The following OTOGL variants were observed in gnomAD, a reference collection of about 807,000 sequenced individuals.
OTOGL encodes the protein otogelin-like protein.
In OTOGL, 285 loss-of-function variants were observed where a neutral mutation model predicts 318.5. That is an observed-to-expected ratio of 0.89 (90% confidence interval 0.81 to 0.99). The LOEUF is 0.99. Among genes scored for constraint, OTOGL ranks in the 50% least tolerant of loss-of-function variants. The pLI, the probability that OTOGL is intolerant of heterozygous loss-of-function variation, is 0.00. For synonymous variants in OTOGL, 987 were observed against 936.5 expected (o/e 1.05, Z -0.99); for missense variants, 2,899 against 2,845.6 (o/e 1.02, Z -0.43).
In OTOGL at chr12:80,305,670, T is replaced by A; in HGVS notation, c.3308T>A (p.Phe1103Tyr). 6.4e-7 allele frequency: 1 copy of A among 1,571,774 alleles called. No individual in the cohort carries two copies. The highest frequency in any genetic ancestry group is 8.6e-7 in the Non-Finnish European group (1 of 1,169,530). ...NNLEVRNARVFGDSWALGQCE... is the reference protein window; with the variant it reads ...NNLEVRNARVYGDSWALGQCE... ...TTGGAAGTGAGAAATGCTCGGGTAT[T>A]TGGAGATAGTTGGGCATTAGGACAG... The change falls in exon 29 of 59, where the codon TTT becomes TAT. Residue 1103 changes from phenylalanine to tyrosine, a missense_variant. Transcript: ENST00000547103.
intron 26 of OTOGL, among the ~76,000 whole-genome samples, chr12:80,287,759 C>T (rs1431587325): frequency 2.0e-5 from 3 of 151,804 alleles, no homozygotes; most frequent in Non-Finnish European, 2.9e-5. Flanking sequence ...GATAAATATT[C>T]TTCCATTCCT....
intron 1 of OTOGL, chr12:80,189,425 G>C: frequency 1.0e-6 from 1 of 985,248 alleles, no homozygotes; most frequent in Non-Finnish European, 1.2e-6. Context: ...CCAAGCAGCT[G>C]GGAAGTTTGT....
intron 29 of OTOGL, among the ~76,000 whole-genome samples, chr12:80,307,507 G>A (rs1234560716): frequency 6.8e-6 from 1 of 148,064 alleles, no homozygotes; most frequent in Admixed American, 6.7e-5. Context: ...TCCCAGTAGG[G>A]GCGGCCGGGC....
intron 1 of OTOGL, among the ~76,000 whole-genome samples, chr12:80,133,074 T>C (rs971171586): frequency 6.6e-6 from 1 of 152,234 alleles, no homozygotes; most frequent in African/African-American, 2.4e-5. Flanking sequence ...CTAAATTTAA[T>C]TATTTTTAAT....
chr12:80,244,726 C>G (rs1362308276), intron 11 of OTOGL, among the ~76,000 whole-genome samples: 1 of 148,234 alleles, frequency 6.7e-6, no homozygotes, highest in African/African-American at 2.6e-5. Context: ...GTTCTAGATC[C>G]CTGAGGAATC....
intron 24 of OTOGL, among the ~76,000 whole-genome samples, chr12:80,274,933 G>GA (rs1490469457): frequency 5.3e-5 from 8 of 151,842 alleles, no homozygotes; most frequent in South Asian, 2.1e-4. Flanking sequence ...CTGATGCCTA[G>GA]AAAAAAAATT....
At chr12:80,213,983 G>A (rs964893671) in intron 4 of OTOGL, among the ~76,000 whole-genome samples, 4 of 152,182 alleles carry the variant, frequency 2.6e-5, no homozygotes, top group African/African-American at 7.2e-5. Context: ...AAGGGTAAAC[G>A]CAGACTTCTG....
chr12:80,109,881 A>G (rs557756392), intron 1 of OTOGL, among the ~76,000 whole-genome samples: 61 of 152,272 alleles, frequency 4.0e-4, no homozygotes, highest in African/African-American at 1.4e-3. Flanking sequence ...GACAATTATC[A>G]CAAACATCAC....
At chr12:80,280,427 AGG>A (rs1348705236) in intron 26 of OTOGL, among the ~76,000 whole-genome samples, 1 of 148,584 alleles carries the variant, frequency 6.7e-6, no homozygotes, top group African/African-American at 2.4e-5. Flanking sequence ...TTATGATCTT[AGG>A]TCTTACTTTT....
intron 26 of OTOGL, among the ~76,000 whole-genome samples, chr12:80,282,223 T>A (rs746561966): frequency 3.9e-4 from 59 of 152,000 alleles, no homozygotes; most frequent in Non-Finnish European, 6.8e-4. Flanking sequence ...CTATGATTAA[T>A]GCATTTTTTT....
At chr12:80,136,136 T>G (rs750991135) in intron 1 of OTOGL, among the ~76,000 whole-genome samples, 1 of 152,210 alleles carries the variant, frequency 6.6e-6, no homozygotes, top group Non-Finnish European at 1.5e-5. Context: ...TCTCACAGTT[T>G]CTGGACTTGC....
intron 1 of OTOGL, among the ~76,000 whole-genome samples, chr12:80,191,065 C>T (rs564955642): frequency 1.3e-4 from 20 of 152,322 alleles, no homozygotes; most frequent in African/African-American, 4.6e-4. Flanking sequence ...CTTAGACCAC[C>T]TTCTCTTTAC....
intron 26 of OTOGL, among the ~76,000 whole-genome samples, chr12:80,282,154 T>A (rs1187816884): frequency 6.6e-6 from 1 of 151,828 alleles, no homozygotes; most frequent in Non-Finnish European, 1.5e-5. Context: ...AAATGTGAGC[T>A]TTAGAAAGAA....
chr12:80,215,803 G>T (rs1877662735), intron 4 of OTOGL, among the ~76,000 whole-genome samples: 1 of 152,176 alleles, frequency 6.6e-6, no homozygotes, highest in Non-Finnish European at 1.5e-5. Flanking sequence ...AAGCAATGTG[G>T]CTGAAGAGAG....
At chr12:80,119,277 C>A (rs2137095175) in intron 1 of OTOGL, among the ~76,000 whole-genome samples, 1 of 152,310 alleles carries the variant, frequency 6.6e-6, no homozygotes, top group Middle Eastern at 3.4e-3. Flanking sequence ...AGCCTGTTCT[C>A]TTTATCATTT....
At chr12:80,253,864 A>G (rs1881793099) in intron 14 of OTOGL, among the ~76,000 whole-genome samples, 1 of 152,048 alleles carries the variant, frequency 6.6e-6, no homozygotes, top group Non-Finnish European at 1.5e-5. Flanking sequence ...TTAGAACTTG[A>G]TGGTGCTTCT....
At chr12:80,108,848 G>GTATA (rs375973972) in intron 1 of OTOGL, among the ~76,000 whole-genome samples, 5 of 130,052 alleles carry the variant, frequency 3.8e-5, no homozygotes, top group South Asian at 4.7e-4. Flanking sequence ...ATATATATGT[G>GTATA]TATATATATG....
intron 18 of OTOGL, 26 bp from the exon 19 acceptor site, chr12:80,261,943 A>G: frequency 6.2e-7 from 1 of 1,605,248 alleles, no homozygotes; most frequent in Non-Finnish European, 8.5e-7. Flanking sequence ...AGATACATGA[A>G]GATGAGCATT....
At chr12:80,297,684 A>G (rs761337579) in intron 27 of OTOGL, among the ~76,000 whole-genome samples, 3 of 152,106 alleles carry the variant, frequency 2.0e-5, no homozygotes, top group Non-Finnish European at 4.4e-5. Context: ...TGGTTCTTCA[A>G]GACTTTGAGA....
Sources: gnomAD v4.1 joint callset for allele counts (sites outside exome capture counted in the v4.1 genomes callset) on GRCh38, gnomAD v4.1.1 for gene constraint, MANE v1.5 for transcripts, NCBI Gene and HGNC (gene_info 2026-07-23, HGNC 2026-07-21) for gene names.